The following PCDH9 variants were observed in gnomAD, a reference collection of about 807,000 sequenced individuals.
PCDH9 encodes the protein protocadherin 9.
In PCDH9, 24 loss-of-function variants were observed where a neutral mutation model predicts 70.6. The ratio of observed to expected loss-of-function variants is 0.34; its 90% CI spans 0.25 to 0.48. The LOEUF (loss-of-function observed/expected upper bound fraction) is 0.48, where lower values mean the gene tolerates loss of function less well. PCDH9 is among the 20% of genes least tolerant of loss of function. The pLI, the probability that PCDH9 is intolerant of heterozygous loss-of-function variation, is 0.99. For missense variants in PCDH9, 1,281 were observed against 1,503.6 expected (o/e 0.85, Z 2.45); for synonymous variants, 562 against 558.5 (o/e 1.01, Z -0.09).
At chr13:66,792,774 TATACATGTGAATGCCTAATAA>T (rs1159524945) in intron 3 of PCDH9, among the ~76,000 whole-genome samples, 2 of 152,188 alleles carry the variant, frequency 1.3e-5, no homozygotes, top group Non-Finnish European at 2.9e-5. Flanking sequence ...TTAAATTGGC[TATACATGTGAATGCCTAATAA>T]ATATATGTAC....
intron 3 of PCDH9, among the ~76,000 whole-genome samples, chr13:66,749,210 A>G (rs1015420859): frequency 4.6e-5 from 7 of 152,120 alleles, no homozygotes; most frequent in Admixed American, 2.0e-4. Flanking sequence ...TATATCAACA[A>G]ATCAGATGAT....
rs555229375 is a variant in PCDH9, at chr13:66,679,131, C to A, written c.3139-47720G>T. ...TGAGCTTTTTCGGTATTTTCTAAAT[C>A]ATTTAAATGCATTTCTTGTCAAACT... On this transcript the variant is annotated intron_variant, in intron 3 of 4. Coordinates refer to ENST00000377865, the MANE Select transcript of PCDH9 (RefSeq NM_203487.3). 4.0e-5 allele frequency among the ~76,000 whole-genome samples: 6 copies of A among 151,656 alleles called. No individual in the cohort carries two copies. The South Asian group carries it at 1.2e-3, about 32-fold the overall frequency.
chr13:66,963,315 C>A (rs2083379227), intron 2 of PCDH9, among the ~76,000 whole-genome samples: 1 of 152,088 alleles, frequency 6.6e-6, no homozygotes, highest in Non-Finnish European at 1.5e-5. Context: ...TAGGAAAAGG[C>A]AAAGTGCAAA....
In PCDH9 at chr13:66,304,644, A is replaced by G. The variant is rs927004387; in HGVS notation, c.*11T>C. 3 of 1,609,158 alleles carry G rather than the reference A, an allele frequency of 1.9e-6. No individual in the cohort carries two copies. Among genetic ancestry groups the G allele is most frequent in the East Asian group, 2.2e-5 (1 of 44,840 alleles). On this transcript the variant is annotated 3_prime_UTR_variant, in exon 5 of 5. Transcript: ENST00000377865. The stretch of plus-strand genomic sequence containing the variant: ...TCTATTTAAAGTTATTAGGTCCCAT[A>G]TAGCCTTTTCTTAGAGTTGGTGCTC...
At chr13:66,405,713 G>A (rs551713242) in intron 4 of PCDH9, among the ~76,000 whole-genome samples, 3 of 152,104 alleles carry the variant, frequency 2.0e-5, no homozygotes, top group Non-Finnish European at 4.4e-5. Context: ...CCATATATAG[G>A]AGGACAGAAT....
At chr13:66,585,706 A>G (rs761387641) in intron 4 of PCDH9, among the ~76,000 whole-genome samples, 3 of 152,182 alleles carry the variant, frequency 2.0e-5, no homozygotes, top group Non-Finnish European at 4.4e-5. Flanking sequence ...ATTCTGTCAG[A>G]GAACCTCAGG....
At chr13:66,574,207 T>C (rs2076778971) in intron 4 of PCDH9, among the ~76,000 whole-genome samples, 1 of 152,218 alleles carries the variant, frequency 6.6e-6, no homozygotes, top group African/African-American at 2.4e-5. Context: ...TTGAATCCGA[T>C]ATTAATGAGC....
chr13:66,625,517 T>C lies in PCDH9; in HGVS notation c.3340+5693A>G, dbSNP rs144206124. On this transcript the variant is annotated intron_variant, in intron 4 of 4. Transcript: ENST00000377865. Reference sequence around the variant, plus strand: ...ACATTTAAATTGAATGCTGATGTAATCGTTTTATCAATAAACACAAATATA... The same window carrying C: ...ACATTTAAATTGAATGCTGATGTAACCGTTTTATCAATAAACACAAATATA... 4.2e-3 allele frequency among the ~76,000 whole-genome samples: 640 copies of C among 152,338 alleles called. 20 individuals carry two copies. The East Asian group carries it at 0.081, about 19-fold the overall frequency.
chr13:66,335,605 T>C (rs1006749649), intron 4 of PCDH9, among the ~76,000 whole-genome samples: 2 of 152,068 alleles, frequency 1.3e-5, no homozygotes, highest in African/African-American at 2.4e-5. Flanking sequence ...ATCAGAAACA[T>C]TAATTTGTAT....
chr13:66,741,038 A>C (rs2079256429), intron 3 of PCDH9, among the ~76,000 whole-genome samples: 1 of 37,072 alleles, frequency 2.7e-5, no homozygotes. Flanking sequence ...GACACAACCA[A>C]AAAAGAGAAT....
At chr13:66,331,249 T>C (rs1000591069) in intron 4 of PCDH9, among the ~76,000 whole-genome samples, 1 of 152,180 alleles carries the variant, frequency 6.6e-6, no homozygotes, top group Non-Finnish European at 1.5e-5. Context: ...ATGGTTTCCA[T>C]ACAACTGGGG....
At chr13:67,137,209 C>T (rs1189834345) in intron 2 of PCDH9, among the ~76,000 whole-genome samples, 1 of 152,042 alleles carries the variant, frequency 6.6e-6, no homozygotes, top group Non-Finnish European at 1.5e-5. Context: ...CTAATCTAAT[C>T]ATTTTGTTCG....
chr13:67,202,962 T>C (rs903840184), intron 2 of PCDH9: 1 of 152,128 alleles, frequency 6.6e-6, no homozygotes, highest in Non-Finnish European at 1.5e-5. Context: ...GAGGATCTTA[T>C]TTCTTGCCCT....
In PCDH9 at chr13:67,154,639, CACACACAT is replaced by C. The variant is rs1158360946; in HGVS notation, c.3036+70758_3036+70765del. On this transcript the variant is annotated intron_variant, in intron 2 of 4. Transcript: ENST00000377865. ...ACACACACACACACACACACACACA[CACACACAT>C]ACAAGATACTCTCTTTTTTGATAAC... is the stretch of plus-strand genomic sequence containing the variant. Among the ~76,000 whole-genome samples the C allele has an allele frequency of 2.0e-3, 265 of 131,890 alleles. 10 individuals are homozygous for C. The highest frequency in any genetic ancestry group is 5.1e-3 in the South Asian group (21 of 4,092). 86.5% of individuals were successfully genotyped at this position (131,890 alleles called of 152,430 possible). A position where few individuals can be genotyped will look rare whatever the true frequency, so the allele number is the denominator to read the frequency against.
intron 4 of PCDH9, among the ~76,000 whole-genome samples, chr13:66,584,377 C>T (rs2076934905): frequency 6.6e-6 from 1 of 152,134 alleles, no homozygotes; most frequent in East Asian, 1.9e-4. Context: ...GAATTTCTCA[C>T]AAAAGCACCA....
intron 2 of PCDH9, among the ~76,000 whole-genome samples, chr13:66,989,628 A>C (rs1202743009): frequency 2.6e-5 from 4 of 151,848 alleles, no homozygotes; most frequent in Non-Finnish European, 5.9e-5. Flanking sequence ...TCAGCTCTAA[A>C]TCACTTTATT....
At chr13:67,026,969 C>G (rs1477140314) in intron 2 of PCDH9, among the ~76,000 whole-genome samples, 1 of 152,122 alleles carries the variant, frequency 6.6e-6, no homozygotes, top group South Asian at 2.1e-4. Flanking sequence ...GAATCAATAT[C>G]GTGAAAATGG....
chr13:67,225,503 G>A lies in PCDH9; in HGVS notation c.2938C>T (p.Leu980Phe), dbSNP rs1281804219. Residue 980 changes from leucine to phenylalanine, a missense_variant, in exon 2 of 5, where the codon CTT becomes TTT. Leu to Phe is a conservative substitution (Grantham distance 22). This residue lies in a region of PCDH9 where 207 missense variants were observed against 191.8 expected (regional missense o/e 1.08). Transcript: ENST00000377865. ...DNTFVGGCDT[L>F]SKRSSTSSDH... is the part of the protein sequence containing the mutation. ...GAACTAGTGGAAGAGCGTTTAGAAA[G>A]GGTGTCACAACCCCCAACAAAGGTG... 3 of 1,613,978 alleles carry A rather than the reference G, an allele frequency of 1.9e-6. No individual in the cohort carries two copies. The highest frequency in any genetic ancestry group is 2.2e-5 in the East Asian group (1 of 44,888).
At chr13:66,338,932 T>C (rs954209795) in intron 4 of PCDH9, among the ~76,000 whole-genome samples, 5 of 152,042 alleles carry the variant, frequency 3.3e-5, no homozygotes, top group Non-Finnish European at 5.9e-5. Context: ...CAAAACCAAT[T>C]TTCACATTGG....
Sources: gnomAD v4.1 joint callset for allele counts (sites outside exome capture counted in the v4.1 genomes callset) on GRCh38, gnomAD v4.1.1 for gene constraint, gnomAD v4.1.1 regional missense constraint, MANE v1.5 for transcripts, NCBI Gene and HGNC (gene_info 2026-07-23, HGNC 2026-07-21) for gene names.